The following SUGP1 variants were observed in gnomAD, a reference collection of about 807,000 sequenced individuals.
The protein encoded by SUGP1 is SURP and G-patch domain containing 1, also known as SURP and G-patch domain-containing protein 1.
SUGP1 carries 34 observed loss-of-function variants against 76.5 expected under a neutral mutation model. The observed-to-expected ratio is 0.44, with a 90% CI of 0.34 to 0.59. The LOEUF is 0.59. SUGP1 is among the 20% of genes least tolerant of loss of function. SUGP1 has a pLI of 0.01. For missense variants in SUGP1, 752 were observed against 851.7 expected, an observed-to-expected ratio of 0.88 and a Z score of 1.46; for synonymous variants, 326 against 326.2, an observed-to-expected ratio of 1.00 and a Z score of 0.01.
chr19:19,292,352 T>G (rs1404260849), intron 8 of SUGP1, among the ~76,000 whole-genome samples: 5 of 151,298 alleles, frequency 3.3e-5, no homozygotes, highest in Admixed American at 6.6e-5. Flanking sequence ...ATTTCTAAAC[T>G]TACTCTATGG....
chr19:19,292,091 G>A (rs921721357), intron 8 of SUGP1, among the ~76,000 whole-genome samples: 1 of 151,558 alleles, frequency 6.6e-6, no homozygotes, highest in Admixed American at 6.6e-5. Context: ...TGGCCAACAT[G>A]GCAAAACCCC....
At chr19:19,300,739 C>T (rs2061265584) in intron 7 of SUGP1, among the ~76,000 whole-genome samples, 1 of 152,138 alleles carries the variant, frequency 6.6e-6, no homozygotes, top group Non-Finnish European at 1.5e-5. Context: ...GCCCGGGGTA[C>T]CCACCCCAGG....
rs576949689 is a variant in SUGP1, at chr19:19,307,444, C to T, written c.311-1368G>A. ...CAGAACTCAATGAGATTTAGTTGGACCATCTAGACCTAAAAAAAATAACGT... is the reference window on the plus strand; with the variant it reads ...CAGAACTCAATGAGATTTAGTTGGATCATCTAGACCTAAAAAAAATAACGT... On this transcript the variant is annotated intron_variant, in intron 3 of 13. Coordinates refer to ENST00000247001, the MANE Select transcript of SUGP1 (RefSeq NM_172231.4). 2.0e-5 allele frequency among the ~76,000 whole-genome samples: 3 copies of T among 152,094 alleles called. No individual in the cohort carries two copies. In the South Asian group the frequency reaches 6.2e-4, roughly 32 times the overall value.
At chr19:19,311,776 T>C (rs183176440) in intron 2 of SUGP1, among the ~76,000 whole-genome samples, 3 of 149,588 alleles carry the variant, frequency 2.0e-5, no homozygotes, top group Non-Finnish European at 4.4e-5. Flanking sequence ...AAAGAAATGC[T>C]TGCAGATCCC....
In SUGP1 at chr19:19,320,481, C is replaced by G; in HGVS notation, c.16G>C (p.Asp6His). 1 of 1,610,138 alleles carries G rather than the reference C, an allele frequency of 6.2e-7. No homozygotes were observed. Among genetic ancestry groups the G allele is most frequent in the Non-Finnish European group, 8.5e-7 (1 of 1,178,586 alleles). The stretch of plus-strand genomic sequence containing the variant: ...CTGTTACCTGCAACATCCCGGTTGT[C>G]CATCTTGAGACTCATCCAATCCCAC... MSLKM[D>H]NRDVAGKANR... The change falls in exon 1 of 14, where the codon GAC (aspartate) becomes CAC (histidine). Residue 6 changes from aspartate to histidine, a missense_variant. Around this residue, in one of 2 missense-constraint regions of SUGP1, gnomAD observed 620 missense variants for 617.3 expected, o/e 1.00. Coordinates refer to ENST00000247001, the MANE Select transcript of SUGP1 (RefSeq NM_172231.4).
intron 8 of SUGP1, among the ~76,000 whole-genome samples, chr19:19,296,068 G>A (rs2061222985): frequency 6.6e-6 from 1 of 152,118 alleles, no homozygotes; most frequent in Admixed American, 6.6e-5. Flanking sequence ...TATAATCCCG[G>A]CACTTTGGGA....
intron 11 of SUGP1, among the ~76,000 whole-genome samples, chr19:19,278,480 A>C (rs1300769801): frequency 6.6e-6 from 1 of 152,104 alleles, no homozygotes; most frequent in Admixed American, 6.6e-5. Flanking sequence ...AGCCCCAGGA[A>C]ATGTTTCTGA....
At chr19:19,293,410 CCT>C (rs1205528264) in intron 8 of SUGP1, among the ~76,000 whole-genome samples, 1 of 151,654 alleles carries the variant, frequency 6.6e-6, no homozygotes, top group Non-Finnish European at 1.5e-5. Flanking sequence ...ATGGTGAAAC[CCT>C]GTCTCTACCA....
chr19:19,302,493 CAAAGAG>C, intron 6 of SUGP1, 105 bp from the exon 7 acceptor site: 2 of 1,469,012 alleles, frequency 1.4e-6, no homozygotes, highest in Non-Finnish European at 1.8e-6. Context: ...AGGAATGATG[CAAAGAG>C]AAACAGGCAA....
intron 8 of SUGP1, among the ~76,000 whole-genome samples, chr19:19,283,213 G>A (rs374203386): frequency 6.6e-5 from 10 of 152,248 alleles, no homozygotes; most frequent in African/African-American, 1.9e-4. Flanking sequence ...CACACAGACT[G>A]TACATAATGT....
chr19:19,297,909 A>G (rs1259331862), intron 7 of SUGP1, among the ~76,000 whole-genome samples: 2 of 152,190 alleles, frequency 1.3e-5, no homozygotes, highest in East Asian at 3.9e-4. Context: ...CCTGAGGAGC[A>G]CAGCAGGTGG....
At chr19:19,319,516 C>T (rs1350870177) in intron 1 of SUGP1, among the ~76,000 whole-genome samples, 1 of 151,674 alleles carries the variant, frequency 6.6e-6, no homozygotes, top group Non-Finnish European at 1.5e-5. Flanking sequence ...ATGGGAGGAT[C>T]GCTTGAGCCT....
intron 8 of SUGP1, among the ~76,000 whole-genome samples, chr19:19,292,184 A>G (rs1195729263): frequency 6.7e-6 from 1 of 149,990 alleles, no homozygotes; most frequent in Non-Finnish European, 1.5e-5. Flanking sequence ...GACGTAGGAG[A>G]ATTGCTTGAA....
chr19:19,314,427 GTTT>G (rs1386822043), intron 2 of SUGP1, among the ~76,000 whole-genome samples: 2 of 152,034 alleles, frequency 1.3e-5, no homozygotes, highest in African/African-American at 4.8e-5. Flanking sequence ...AGTGACTTTG[GTTT>G]TTTGTTTACC....
intron 13 of SUGP1, 126 bp downstream of exon 13, chr19:19,276,821 G>C (rs1317296739): frequency 6.5e-7 from 1 of 1,543,420 alleles, no homozygotes; most frequent in Admixed American, 1.8e-5. Context: ...TTGAATGCAG[G>C]TGGGTGGTAG....
intron 2 of SUGP1, among the ~76,000 whole-genome samples, chr19:19,314,293 A>G (rs1273007472): frequency 6.6e-6 from 1 of 152,048 alleles, no homozygotes; most frequent in Non-Finnish European, 1.5e-5. Flanking sequence ...ACTACACTCC[A>G]GCCTGTGTGA....
intron 8 of SUGP1, 47 bp downstream of exon 8, chr19:19,296,942 A>T: frequency 6.9e-7 from 1 of 1,454,100 alleles, no homozygotes; most frequent in Non-Finnish European, 9.2e-7. Flanking sequence ...GCTCAGTGAA[A>T]GAAGTCAGAC....
intron 3 of SUGP1, among the ~76,000 whole-genome samples, chr19:19,309,253 G>A (rs2061337453): frequency 2.0e-5 from 3 of 152,134 alleles, no homozygotes; most frequent in Non-Finnish European, 2.9e-5. Flanking sequence ...GGAAGGCTGA[G>A]ACAGGTGGAT....
At chr19:19,292,440 G>A (rs1002984409) in intron 8 of SUGP1, among the ~76,000 whole-genome samples, 8 of 152,038 alleles carry the variant, frequency 5.3e-5, no homozygotes, top group Non-Finnish European at 8.8e-5. Context: ...GGTGGCTCAC[G>A]CCTGTAATCC....
Sources: allele counts gnomAD v4.1 joint callset (sites outside exome capture counted in the v4.1 genomes callset), GRCh38; gene constraint gnomAD v4.1.1; regional missense constraint gnomAD v4.1.1; transcripts MANE v1.5; gene names NCBI Gene and HGNC (gene_info 2026-07-23, HGNC 2026-07-21).